Variants in PALLD observed in about 807,000 individuals in gnomAD.
The protein encoded by PALLD is palladin, cytoskeletal associated protein.
Under a neutral mutation model 123.5 loss-of-function variants are expected in PALLD, and 61 were observed. The observed-to-expected ratio is 0.49, with a 90% CI of 0.40 to 0.61. PALLD has a LOEUF of 0.61. Ranked by LOEUF, PALLD falls within the 20% of genes least tolerant of loss-of-function variation. The pLI, the probability that PALLD is intolerant of heterozygous loss-of-function variation, is 0.00. For missense variants in PALLD, 1,273 were observed against 1,377.0 expected (o/e 0.92, Z 1.20); for synonymous variants, 465 against 496.4 (o/e 0.94, Z 0.84).
Position 168,711,698 on chromosome 4 carries a change from A to G in PALLD, c.1739A>G (p.Lys580Arg). ...AGTTCCTTGGAGTTGGCTTCAAAGA[A>G]ACCATCTGAGATCCAGCAGGTGAAC... ...ETSSLELASK[K>R]PSEIQQVNNP... The change falls in exon 10 of 22, where the codon AAA becomes AGA. Residue 580 changes from lysine (K) to arginine (R), a missense_variant. Lys to Arg is a conservative substitution (Grantham distance 26). This residue lies in a region of PALLD where 944 missense variants were observed against 954.5 expected (regional missense o/e 0.99). Coordinates refer to ENST00000505667, the MANE Select transcript of PALLD (RefSeq NM_001166108.2). The G allele has an allele frequency of 6.2e-7, 1 of 1,614,140 alleles. No individual in the cohort carries two copies. Among genetic ancestry groups the G allele is most frequent in the Non-Finnish European group, 8.5e-7 (1 of 1,179,986 alleles).
chr4:168,926,217 G>T lies in PALLD; in HGVS notation c.*37G>T, dbSNP rs950069781. The T allele has an allele frequency of 1.3e-6, 2 of 1,530,048 alleles. No individual in the cohort carries two copies. Among genetic ancestry groups the T allele is most frequent in the Middle Eastern group, 1.7e-4 (1 of 5,946 alleles). 94.8% of individuals were successfully genotyped at this position (1,530,048 alleles called of 1,614,324 possible). A position where few individuals can be genotyped will look rare whatever the true frequency, so the allele number is the denominator to read the frequency against. On this transcript the variant is annotated 3_prime_UTR_variant, in exon 22 of 22. Coordinates refer to ENST00000505667, the MANE Select transcript of PALLD (RefSeq NM_001166108.2). ...ATTTACTCTTTTTCTTTGTAGCCCA[G>T]TGGCATCAGCAGTCACAGAGCACCA... is the stretch of plus-strand genomic sequence containing the variant.
At chr4:168,784,655 A>C (rs1448922496) in intron 10 of PALLD, among the ~76,000 whole-genome samples, 1 of 152,200 alleles carries the variant, frequency 6.6e-6, no homozygotes, top group Non-Finnish European at 1.5e-5. Context: ...TCACACCTTC[A>C]TTGATTTGGA....
intron 10 of PALLD, among the ~76,000 whole-genome samples, chr4:168,853,379 C>T (rs1358440807): frequency 6.6e-6 from 1 of 152,148 alleles, no homozygotes. Flanking sequence ...CCTCCCAGCT[C>T]GCATTTTACC....
chr4:168,892,501 A>T (rs1754287325), intron 11 of PALLD, among the ~76,000 whole-genome samples: 1 of 152,192 alleles, frequency 6.6e-6, no homozygotes, highest in Non-Finnish European at 1.5e-5. Flanking sequence ...TCTTAATCTG[A>T]TTAAGAAAGA....
At chr4:168,745,423 T>TG (rs373208984) in intron 10 of PALLD, among the ~76,000 whole-genome samples, 2,674 of 64,468 alleles carry the variant, frequency 0.041, 96 homozygotes, top group African/African-American at 0.086. Flanking sequence ...GTCTGTGAGA[T>TG]GGGAGGGGGG....
intron 10 of PALLD, among the ~76,000 whole-genome samples, chr4:168,847,881 A>G (rs1426797330): frequency 6.6e-6 from 1 of 152,110 alleles, no homozygotes; most frequent in Non-Finnish European, 1.5e-5. Context: ...TAAAAAAGAA[A>G]AAAAAAGGAA....
At chr4:168,901,839 G>T (rs755215409) in intron 14 of PALLD, among the ~76,000 whole-genome samples, 5 of 152,110 alleles carry the variant, frequency 3.3e-5, no homozygotes, top group Non-Finnish European at 7.3e-5. Flanking sequence ...TAGCCTGGGG[G>T]ACAGAGCTAG....
intron 2 of PALLD, among the ~76,000 whole-genome samples, chr4:168,528,141 G>C (rs1384097428): frequency 1.3e-5 from 2 of 152,100 alleles, no homozygotes; most frequent in Non-Finnish European, 2.9e-5. Context: ...GACCACAACT[G>C]CTACATCCTC....
At chr4:168,916,066 C>T in intron 17 of PALLD, 39 bp downstream of exon 17, 1 of 1,588,968 alleles carries the variant, frequency 6.3e-7, no homozygotes, top group Middle Eastern at 1.7e-4. Context: ...TATTGCCCCA[C>T]TTCTCCCTCA....
At chr4:168,497,683 G>T (rs999188099) in intron 1 of PALLD, among the ~76,000 whole-genome samples, 1 of 152,138 alleles carries the variant, frequency 6.6e-6, no homozygotes, top group Non-Finnish European at 1.5e-5. Context: ...GTAACTCACT[G>T]GACATAATTA....
intron 8 of PALLD, among the ~76,000 whole-genome samples, chr4:168,701,710 C>G (rs570218817): frequency 6.6e-6 from 1 of 152,172 alleles, no homozygotes; most frequent in Non-Finnish European, 1.5e-5. Context: ...TCTCAGTGTT[C>G]CCAGAACCTC....
intron 2 of PALLD, among the ~76,000 whole-genome samples, chr4:168,664,262 T>A (rs1027661005): frequency 1.4e-5 from 2 of 142,150 alleles, no homozygotes; most frequent in African/African-American, 5.7e-5. Flanking sequence ...TAAGACTGAT[T>A]ATAAACTGAG....
rs112404139 is a variant in PALLD at position 168,691,069 on chromosome 4, C to T, written c.1478-200C>T. Among the ~76,000 whole-genome samples the T allele has an allele frequency of 5.0e-3, 760 of 152,256 alleles. 5 individuals are homozygous for T. Among genetic ancestry groups the T allele is most frequent in the African/African-American group, 0.015 (607 of 41,558 alleles). On this transcript the variant is annotated intron_variant, in intron 7 of 21. Transcript: ENST00000505667. ...AAAAATTTCTTAGTGTAAGTTGATACAGGAATTTGAGTTTTTATATTTATA... is the reference window on the plus strand; with the variant it reads ...AAAAATTTCTTAGTGTAAGTTGATATAGGAATTTGAGTTTTTATATTTATA...
intron 10 of PALLD, among the ~76,000 whole-genome samples, chr4:168,846,115 C>T (rs182825454): frequency 1.3e-5 from 2 of 152,324 alleles, no homozygotes; most frequent in Admixed American, 1.3e-4. Context: ...TTCAACCATG[C>T]ATGTACAAAT....
intron 10 of PALLD, among the ~76,000 whole-genome samples, chr4:168,799,519 A>G (rs1561536857): frequency 6.6e-6 from 1 of 152,190 alleles, no homozygotes; most frequent in East Asian, 1.9e-4. Context: ...TTATTCAGAT[A>G]ATGAATTTGG....
chr4:168,544,288 C>T (rs1216584994), intron 2 of PALLD, among the ~76,000 whole-genome samples: 1 of 152,238 alleles, frequency 6.6e-6, no homozygotes, highest in Non-Finnish European at 1.5e-5. Flanking sequence ...TTGTCCATTT[C>T]AACAAATATT....
chr4:168,666,324 A>G (rs1474382292), intron 2 of PALLD, among the ~76,000 whole-genome samples: 2 of 152,192 alleles, frequency 1.3e-5, no homozygotes, highest in African/African-American at 2.4e-5. Flanking sequence ...TAATTCACAG[A>G]CAGACTCAAC....
At chr4:168,624,986 T>G (rs1341670435) in intron 2 of PALLD, among the ~76,000 whole-genome samples, 1 of 152,120 alleles carries the variant, frequency 6.6e-6, no homozygotes, top group Non-Finnish European at 1.5e-5. Flanking sequence ...ACTTTCTCTA[T>G]GTTAATTATT....
intron 3 of PALLD, among the ~76,000 whole-genome samples, chr4:168,671,373 T>C (rs948296100): frequency 6.6e-6 from 1 of 152,244 alleles, no homozygotes; most frequent in Admixed American, 6.5e-5. Context: ...GTATCTTTCA[T>C]GTTCGGGACT....
Sources: allele counts gnomAD v4.1 joint callset (sites outside exome capture counted in the v4.1 genomes callset), GRCh38; gene constraint gnomAD v4.1.1; regional missense constraint gnomAD v4.1.1; transcripts MANE v1.5; gene names NCBI Gene and HGNC (gene_info 2026-07-23, HGNC 2026-07-21).